Variants in RIMS2 observed in about 807,000 individuals in gnomAD.
RIMS2 encodes regulating synaptic membrane exocytosis protein 2.
Under a neutral mutation model 174.4 loss-of-function variants are expected in RIMS2, and 59 were observed. The observed-to-expected ratio is 0.34, with a 90% confidence interval of 0.27 to 0.42. The LOEUF is 0.42. Among genes scored for constraint, RIMS2 ranks in the 10% least tolerant of loss-of-function variants. The pLI, the probability that RIMS2 is intolerant of heterozygous loss-of-function variation, is 1.00. For missense variants in RIMS2, 1,620 were observed against 1,666.3 expected (o/e 0.97, Z 0.48); for synonymous variants, 606 against 572.5 (o/e 1.06, Z -0.84).
chr8:103,740,897 T>A (rs2097755592), intron 2 of RIMS2, among the ~76,000 whole-genome samples: 1 of 152,122 alleles, frequency 6.6e-6, no homozygotes, highest in Non-Finnish European at 1.5e-5. Flanking sequence ...TGAATTTTTA[T>A]TTACATTTTC....
intron 19 of RIMS2, among the ~76,000 whole-genome samples, chr8:104,033,073 G>C (rs2096435285): frequency 6.6e-6 from 1 of 151,954 alleles, no homozygotes; most frequent in South Asian, 2.1e-4. Flanking sequence ...AGATGGCGTA[G>C]TGCTAATATT....
chr8:103,983,871 G>T (rs996604606), intron 16 of RIMS2, among the ~76,000 whole-genome samples: 4 of 152,038 alleles, frequency 2.6e-5, no homozygotes, highest in African/African-American at 9.7e-5. Flanking sequence ...CCACACACAG[G>T]CAAACAAAGC....
At chr8:104,065,356 T>C (rs1394037764) in intron 19 of RIMS2, among the ~76,000 whole-genome samples, 1 of 152,104 alleles carries the variant, frequency 6.6e-6, no homozygotes, top group Admixed American at 6.6e-5. Context: ...TTGATTTCTC[T>C]AAATTGCTTT....
At chr8:103,590,233 A>G (rs1410014276) in intron 1 of RIMS2, among the ~76,000 whole-genome samples, 1 of 151,444 alleles carries the variant, frequency 6.6e-6, no homozygotes, top group African/African-American at 2.4e-5. Flanking sequence ...AAAAATTAAA[A>G]ACAAAAACAA....
chr8:103,512,067 A>G (rs1446492030), intron 1 of RIMS2, among the ~76,000 whole-genome samples: 2 of 152,174 alleles, frequency 1.3e-5, no homozygotes, highest in African/African-American at 4.8e-5. Flanking sequence ...TTGGGGTGCC[A>G]GTGAGACTTC....
At chr8:104,129,852 G>A (rs2098460351) in intron 19 of RIMS2, among the ~76,000 whole-genome samples, 1 of 152,176 alleles carries the variant, frequency 6.6e-6, no homozygotes, top group Admixed American at 6.5e-5. Flanking sequence ...ATTGACTCCA[G>A]TGCCTTATAC....
At chr8:103,755,713 A>G (rs1038889665) in intron 2 of RIMS2, among the ~76,000 whole-genome samples, 5 of 152,144 alleles carry the variant, frequency 3.3e-5, no homozygotes, top group African/African-American at 7.2e-5. Context: ...CACTTGATCA[A>G]TTGAGGTAAT....
chr8:103,605,772 T>C (rs1405819997), intron 1 of RIMS2, among the ~76,000 whole-genome samples: 1 of 152,000 alleles, frequency 6.6e-6, no homozygotes, highest in Non-Finnish European at 1.5e-5. Flanking sequence ...TGCTAGATTT[T>C]CTAGTTTATT....
intron 1 of RIMS2, among the ~76,000 whole-genome samples, chr8:103,653,068 A>G (rs9297336): frequency 0.18 from 26,909 of 152,140 alleles, 2,590 homozygotes; most frequent in African/African-American, 0.24. Context: ...TTCAATCTTT[A>G]GTCAAATAGT....
intron 19 of RIMS2, 124 bp downstream of exon 24, chr8:104,093,767 A>G (rs575224875): frequency 6.4e-6 from 4 of 622,966 alleles, no homozygotes. Context: ...GGGGAGCTTA[A>G]CTTCAGTACA....
intron 1 of RIMS2, among the ~76,000 whole-genome samples, chr8:103,690,470 T>C (rs76472142): frequency 0.048 from 7,286 of 152,200 alleles, 569 homozygotes; most frequent in African/African-American, 0.16. Context: ...TTGTATGTTT[T>C]TTGATTTGAG....
chr8:103,628,545 G>C (rs1191550190), intron 1 of RIMS2, among the ~76,000 whole-genome samples: 1 of 151,650 alleles, frequency 6.6e-6, no homozygotes, highest in Non-Finnish European at 1.5e-5. Flanking sequence ...GAAGAGACGG[G>C]GTTTCTCCAT....
At chr8:103,727,310 A>T (rs1042666954) in intron 2 of RIMS2, among the ~76,000 whole-genome samples, 3 of 152,194 alleles carry the variant, frequency 2.0e-5, no homozygotes, top group African/African-American at 7.2e-5. Flanking sequence ...GGGTGAAATA[A>T]TATATTCACT....
At chr8:103,544,632 G>A (rs954713104) in intron 1 of RIMS2, among the ~76,000 whole-genome samples, 4 of 152,250 alleles carry the variant, frequency 2.6e-5, no homozygotes, top group African/African-American at 9.6e-5. Flanking sequence ...ACAATGCCAT[G>A]TTCCTGTGGG....
At chr8:104,099,270 A>C (rs1355388059) in intron 19 of RIMS2, among the ~76,000 whole-genome samples, 1 of 151,950 alleles carries the variant, frequency 6.6e-6, no homozygotes, top group Non-Finnish European at 1.5e-5. Flanking sequence ...TTTTGTTTTT[A>C]ATTTTCTGGA....
At chr8:103,655,517 A>T (rs965855961) in intron 1 of RIMS2, among the ~76,000 whole-genome samples, 2 of 152,116 alleles carry the variant, frequency 1.3e-5, no homozygotes, top group Non-Finnish European at 2.9e-5. Flanking sequence ...GGATTACTTT[A>T]CTTTGAATTT....
At chr8:103,770,347 G>C (rs780811586) in intron 3 of RIMS2, among the ~76,000 whole-genome samples, 1 of 152,132 alleles carries the variant, frequency 6.6e-6, no homozygotes, top group Non-Finnish European at 1.5e-5. Flanking sequence ...AGGCCGAGGA[G>C]GGCGGATCAC....
intron 2 of RIMS2, among the ~76,000 whole-genome samples, chr8:103,711,780 C>T (rs2097306536): frequency 6.6e-6 from 1 of 151,902 alleles, no homozygotes; most frequent in Admixed American, 6.6e-5. Flanking sequence ...GCCTGTGGTC[C>T]CAGCTACTTG....
At chr8:104,081,222 A>T (rs991241566) in intron 19 of RIMS2, among the ~76,000 whole-genome samples, 1 of 152,020 alleles carries the variant, frequency 6.6e-6, no homozygotes, top group African/African-American at 2.4e-5. Flanking sequence ...CAGTCACATA[A>T]GAACATGTTA....
Sources: gnomAD v4.1 joint callset for allele counts (sites outside exome capture counted in the v4.1 genomes callset) on GRCh38, gnomAD v4.1.1 for gene constraint, MANE v1.5 for transcripts, NCBI Gene and HGNC (gene_info 2026-07-23, HGNC 2026-07-21) for gene names.